RAI1: variants seen among roughly 807,000 people sequenced by gnomAD.
The protein encoded by RAI1 is retinoic acid-induced protein 1.
A neutral mutation model predicts 123.8 loss-of-function variants in RAI1; 9 were observed. The observed-to-expected ratio is 0.07, with a 90% CI of 0.04 to 0.13. The LOEUF (loss-of-function observed/expected upper bound fraction) is 0.13. RAI1 is among the 10% of genes least tolerant of loss of function. The pLI, the probability that RAI1 is intolerant of heterozygous loss-of-function variation, is 1.00. For missense variants in RAI1, 2,256 were observed against 2,545.8 expected (o/e 0.89, Z 2.45); for synonymous variants, 1,231 against 1,127.3 (o/e 1.09, Z -1.84).
chr17:17,746,529 A>T (rs1015755420), intron 2 of RAI1, among the ~76,000 whole-genome samples: 3 of 152,096 alleles, frequency 2.0e-5, no homozygotes, highest in African/African-American at 7.2e-5. Flanking sequence ...CCATCCCCTT[A>T]AGAAGCCTCG....
chr17:17,695,118 C>T (rs550717264), intron 1 of RAI1, among the ~76,000 whole-genome samples: 2 of 152,202 alleles, frequency 1.3e-5, no homozygotes, highest in Non-Finnish European at 2.9e-5. Context: ...GGACCCCTAC[C>T]GCTTGGGGGC....
chr17:17,710,087 T>C (rs1012326465), intron 1 of RAI1, among the ~76,000 whole-genome samples: 3 of 152,202 alleles, frequency 2.0e-5, no homozygotes, highest in Admixed American at 6.5e-5. Context: ...GCCACGCTCA[T>C]GTCAGGATTC....
At chr17:17,782,058 G>C (rs1257605674) in intron 2 of RAI1, 1 of 152,184 alleles carries the variant, frequency 6.6e-6, no homozygotes, top group Non-Finnish European at 1.5e-5. Context: ...ACAGCGCCGG[G>C]CTCCCCGCCC....
chr17:17,743,906 C>T (rs530624168), intron 2 of RAI1, among the ~76,000 whole-genome samples: 3 of 152,186 alleles, frequency 2.0e-5, no homozygotes, highest in Non-Finnish European at 4.4e-5. Context: ...CTGGCTGGGC[C>T]GTAGGAGAGC....
chr17:17,809,273 G>A lies in RAI1; in HGVS notation c.5660-117G>A. 1.2e-6 allele frequency: 1 copy of A among 865,962 alleles called. No individual in the cohort carries two copies. Among genetic ancestry groups the A allele is most frequent in the South Asian group, 1.3e-5 (1 of 75,866 alleles). 53.6% of individuals were successfully genotyped at this position (865,962 alleles called of 1,614,324 possible). On this transcript the variant is annotated intron_variant, in intron 4 of 5. Transcript: ENST00000353383. This position sits in a 1 kb window ranked among gnomAD's most constrained non-coding sequence, Gnocchi z 4.9. ...GAATCTGATTAACTCTTTGAAAAGAGCCCCTGCAGTCTGGAGCCTCGCGGG... is the reference window on the plus strand; with the variant it reads ...GAATCTGATTAACTCTTTGAAAAGAACCCCTGCAGTCTGGAGCCTCGCGGG...
chr17:17,717,644 T>C (rs551503685), intron 1 of RAI1, among the ~76,000 whole-genome samples: 39 of 151,906 alleles, frequency 2.6e-4, no homozygotes, highest in Admixed American at 1.7e-3. Context: ...TGCCCTGTCC[T>C]CTCTTTCCCC....
intron 2 of RAI1, among the ~76,000 whole-genome samples, chr17:17,783,469 C>T (rs2031691041): frequency 6.6e-6 from 1 of 151,958 alleles, no homozygotes; most frequent in Middle Eastern, 3.2e-3. Context: ...CTGAGGGAGT[C>T]CTGCGGATTT....
At chr17:17,787,975 C>T (rs976592751) in intron 2 of RAI1, among the ~76,000 whole-genome samples, 1 of 152,120 alleles carries the variant, frequency 6.6e-6, no homozygotes, top group Admixed American at 6.5e-5. Context: ...TCTGAAGGGC[C>T]CAGAGCCCCC....
intron 2 of RAI1, among the ~76,000 whole-genome samples, chr17:17,761,359 G>A (rs148888367): frequency 1.8e-3 from 274 of 151,766 alleles, no homozygotes; most frequent in Middle Eastern, 0.017. Context: ...CTCTGGAATC[G>A]TACCAATCCA....
chr17:17,779,102 A>G (rs1047246177), intron 2 of RAI1: 4 of 351,214 alleles, frequency 1.1e-5, no homozygotes, highest in African/African-American at 8.6e-5. Context: ...AAAGAGAGAG[A>G]AATCAGCCAG....
At chr17:17,727,826 G>A (rs577861879) in intron 2 of RAI1, among the ~76,000 whole-genome samples, 6 of 152,180 alleles carry the variant, frequency 3.9e-5, no homozygotes, top group African/African-American at 1.2e-4. Context: ...TCTCTCTCTG[G>A]CCCGAGATTC....
chr17:17,773,086 T>G (rs1598068951), intron 2 of RAI1, among the ~76,000 whole-genome samples: 2 of 92,346 alleles, frequency 2.2e-5, no homozygotes, highest in East Asian at 2.7e-4. Flanking sequence ...GATGGATGGA[T>G]GGATGGATGG....
chr17:17,810,335 CTT>C lies in RAI1; in HGVS notation c.*356_*357del. 2.6e-6 allele frequency: 1 copy of C among 379,656 alleles called. No individual in the cohort carries two copies. Among genetic ancestry groups the C allele is most frequent in the Admixed American group, 4.5e-5 (1 of 22,380 alleles). 23.5% of individuals were successfully genotyped at this position (379,656 alleles called of 1,614,324 possible). On this transcript the variant is annotated 3_prime_UTR_variant, in exon 6 of 6. Transcript: ENST00000353383. This position sits in a 1 kb window ranked among gnomAD's most constrained non-coding sequence, Gnocchi z 4.6. ...GGGAGACGGCTTTGTCCTGGGGACACTTTCCCTCTGGAATCTCAAGACGACGT... is the reference window on the plus strand; with the variant it reads ...GGGAGACGGCTTTGTCCTGGGGACACTCCCTCTGGAATCTCAAGACGACGT...
In RAI1 at chr17:17,796,069, G is replaced by T. The variant is rs943141889; in HGVS notation, c.3121G>T (p.Ala1041Ser). The T allele has an allele frequency of 5.1e-6, 8 of 1,580,912 alleles. No homozygotes were observed. Among genetic ancestry groups the T allele is most frequent in the African/African-American group, 1.3e-5 (1 of 74,346 alleles). The change falls in exon 3 of 6, where the codon GCT (alanine) becomes TCT (serine). Residue 1041 changes from alanine (A) to serine (S), a missense_variant. Physicochemically the swap from Ala to Ser is moderately conservative, Grantham distance 99. Around this residue, in one of 7 missense-constraint regions of RAI1, gnomAD observed 566 missense variants for 616.0 expected, o/e 0.92. Transcript: ENST00000353383. The surrounding 1 kb of genome is among the most constrained non-coding windows in gnomAD (Gnocchi z 5.8). ...GCCCCCCCAGGGACAGATGGAAGGGGCTGGAGCCCCAGGCCGGGGGGCCTC... is the reference window on the plus strand; with the variant it reads ...GCCCCCCCAGGGACAGATGGAAGGGTCTGGAGCCCCAGGCCGGGGGGCCTC... ...TGPPQGQMEG[A>S]GAPGRGASEG...
intron 2 of RAI1, among the ~76,000 whole-genome samples, chr17:17,766,948 G>A (rs1286423813): frequency 2.0e-5 from 3 of 151,956 alleles, no homozygotes; most frequent in African/African-American, 7.3e-5. Context: ...AGGGTGGGGT[G>A]GTGTGAGTCT....
chr17:17,793,588 C>T lies in RAI1; in HGVS notation c.640C>T (p.Gln214Ter), dbSNP rs2032105178. ...GGGTACCCACTTTCCTCAGCATTCC[C>T]AGTCCTTCCCCACCTCCTCCACCTA... ...PQGTHFPQHS[Q>*]SFPTSSTYSS... The change falls in exon 3 of 6, where the codon CAG becomes TAG. Residue 214 changes from glutamine (Q) to a stop codon, truncating the protein, a stop_gained. Coordinates refer to ENST00000353383, the MANE Select transcript of RAI1 (RefSeq NM_030665.4). LOFTEE classifies it high-confidence loss of function. 1 of 1,613,686 alleles carries T rather than the reference C, an allele frequency of 6.2e-7. No individual in the cohort carries two copies. The highest frequency in any genetic ancestry group is 1.3e-5 in the African/African-American group (1 of 74,912).
chr17:17,721,796 G>C (rs1310859744), intron 1 of RAI1, among the ~76,000 whole-genome samples: 1 of 152,212 alleles, frequency 6.6e-6, no homozygotes, highest in Non-Finnish European at 1.5e-5. Context: ...TAAGCAGTCT[G>C]ACATTTTAAA....
At chr17:17,798,545 G>A in intron 3 of RAI1, 32 bp downstream of exon 3, 1 of 1,596,934 alleles carries the variant, frequency 6.3e-7, no homozygotes, top group Non-Finnish European at 8.5e-7. Context: ...GGTGGGGAGT[G>A]TGGGGTTCCA....
At chr17:17,759,504 A>G (rs985731170) in intron 2 of RAI1, 4 of 144,222 alleles carry the variant, frequency 2.8e-5, no homozygotes, top group Non-Finnish European at 6.1e-5. Flanking sequence ...GCCAGGTCAC[A>G]TTTTGGGCCC....
Sources: gnomAD v4.1 joint callset for allele counts (sites outside exome capture counted in the v4.1 genomes callset) on GRCh38, gnomAD v4.1.1 for gene constraint, gnomAD v4.1.1 regional missense constraint, Gnocchi (gnomAD v3.1) non-coding constraint, MANE v1.5 for transcripts, NCBI Gene and HGNC (gene_info 2026-07-23, HGNC 2026-07-21) for gene names.